SETD2: variants seen among roughly 807,000 people sequenced by gnomAD.
SETD2 encodes the protein SET domain containing 2, histone lysine methyltransferase.
Under a neutral mutation model 242.1 loss-of-function variants are expected in SETD2, and 31 were observed. The observed-to-expected ratio is 0.13, with a 90% CI of 0.10 to 0.17. The LOEUF is 0.17. Ranked by LOEUF, SETD2 falls within the 10% of genes least tolerant of loss-of-function variation. The pLI is 1.00. For missense variants in SETD2, 2,481 were observed against 3,046.3 expected, an observed-to-expected ratio of 0.81 and a Z score of 4.37; for synonymous variants, 1,006 against 1,066.5, an observed-to-expected ratio of 0.94 and a Z score of 1.11.
chr3:47,081,293 G>A (rs772871090), intron 12 of SETD2, among the ~76,000 whole-genome samples: 22 of 152,114 alleles, frequency 1.4e-4, no homozygotes, highest in African/African-American at 3.9e-4. Context: ...AAAGCCAAGC[G>A]GAACACATGT....
chr3:47,025,448 C>T (rs775557295), intron 18 of SETD2, among the ~76,000 whole-genome samples: 5 of 152,192 alleles, frequency 3.3e-5, no homozygotes, highest in African/African-American at 1.2e-4. Flanking sequence ...CTGTCTGACT[C>T]CCTTGCATTA....
rs1259127496 is a variant in SETD2 at position 47,113,872 on chromosome 3, T to C, written c.4715+4A>G. On this transcript the variant is annotated splice_donor_region_variant and intron_variant, in intron 5 of 20. Coordinates refer to ENST00000409792, the MANE Select transcript of SETD2 (RefSeq NM_014159.7). Reference sequence around the variant, plus strand: ...AAGTGAAAGGTAATTAAAAAAGAACTTACGAAGGAAGGTCTTTGGCAGCTC... The same window carrying C: ...AAGTGAAAGGTAATTAAAAAAGAACCTACGAAGGAAGGTCTTTGGCAGCTC... 6.2e-7 allele frequency: 1 copy of C among 1,604,932 alleles called. No individual in the cohort carries two copies. The highest frequency in any genetic ancestry group is 8.5e-7 in the Non-Finnish European group (1 of 1,177,556).
intron 1 of SETD2, chr3:47,127,500 G>A (rs1052960760): frequency 2.4e-6 from 1 of 425,246 alleles, no homozygotes; most frequent in Non-Finnish European, 4.7e-6. Flanking sequence ...GGCTAAATTG[G>A]GAGGATCACT....
chr3:47,041,496 G>GAA, intron 17 of SETD2: 1 of 214,448 alleles, frequency 4.7e-6, no homozygotes, highest in East Asian at 1.5e-4. Flanking sequence ...ACAAAAAAAA[G>GAA]AAAAAAAAAA....
chr3:47,101,599 T>C (rs914172129), intron 7 of SETD2, 44 bp from the exon 8 acceptor site: 2 of 231,594 alleles, frequency 8.6e-6, no homozygotes, highest in Admixed American at 6.7e-5. Flanking sequence ...AACTTATTAG[T>C]GTGTGTGTGT....
chr3:47,081,269 A>G (rs2041304909), intron 12 of SETD2, among the ~76,000 whole-genome samples: 2 of 151,998 alleles, frequency 1.3e-5, no homozygotes, highest in African/African-American at 2.4e-5. Context: ...TCTTCACTCC[A>G]TCCAGTGTGT....
rs1000133175 is a variant in SETD2, at chr3:47,064,758, A to T, written c.6109+2312T>A. ...AATGGAAACCAGGCTTATATATATTATATATATGTAAATATATATAAAATA... is the reference window on the plus strand; with the variant it reads ...AATGGAAACCAGGCTTATATATATTTTATATATGTAAATATATATAAAATA... On this transcript the variant is annotated intron_variant, in intron 13 of 20. Transcript: ENST00000409792. 5.0e-5 allele frequency: 8 copies of T among 159,482 alleles called. 1 individual carries two copies. The highest frequency in any genetic ancestry group is 4.7e-4 in the Admixed American group (7 of 14,838). The allele number at this position is 159,482 out of a possible 1,614,324, so 9.9% of individuals were successfully genotyped here. A position where few individuals can be genotyped will look rare whatever the true frequency, so the allele number is the denominator to read the frequency against.
chr3:47,043,681 C>A (rs1192364165), intron 16 of SETD2, among the ~76,000 whole-genome samples: 1 of 152,138 alleles, frequency 6.6e-6, no homozygotes, highest in Admixed American at 6.5e-5. Flanking sequence ...AAAATGTGTT[C>A]ACTTTTAAGC....
chr3:47,154,610 T>C (rs2044082775), intron 1 of SETD2, among the ~76,000 whole-genome samples: 1 of 152,112 alleles, frequency 6.6e-6, no homozygotes. Flanking sequence ...AGAGAAGAGA[T>C]ACTCAGGGAG....
chr3:47,116,824 A>G (rs561075492), intron 3 of SETD2, 70 bp from the exon 4 acceptor site: 309 of 1,102,026 alleles, frequency 2.8e-4, no homozygotes, highest in Non-Finnish European at 4.0e-4. Flanking sequence ...ATATAATCAA[A>G]TATGTGCCAA....
At chr3:47,039,225 T>A (rs1024593002) in intron 17 of SETD2, among the ~76,000 whole-genome samples, 7 of 151,996 alleles carry the variant, frequency 4.6e-5, no homozygotes, top group South Asian at 2.1e-4. Flanking sequence ...TTTTTTTTTT[T>A]TTATTCTGAT....
Position 47,062,564 on chromosome 3 carries a change from C to G in SETD2, c.6110-218G>C, listed in dbSNP as rs1370485309. On this transcript the variant is annotated intron_variant, in intron 13 of 20. Coordinates refer to ENST00000409792, the MANE Select transcript of SETD2 (RefSeq NM_014159.7). ...ACTAAAAGTCTCTTTCACAAATGCC[C>G]TTTTCTCCTCTTTCCCTCCAAAGAC... Among the ~76,000 whole-genome samples the G allele has an allele frequency of 9.2e-5, 14 of 151,996 alleles. No individual in the cohort carries two copies. In the East Asian group the frequency reaches 2.7e-3, roughly 29 times the overall value.
chr3:47,068,860 G>A (rs750029368), intron 12 of SETD2, among the ~76,000 whole-genome samples: 7 of 151,854 alleles, frequency 4.6e-5, no homozygotes, highest in Non-Finnish European at 7.4e-5. Context: ...GTGCAGTGGT[G>A]CGATCTCAGC....
At chr3:47,100,066 C>T (rs1290336690) in intron 8 of SETD2, among the ~76,000 whole-genome samples, 4 of 150,826 alleles carry the variant, frequency 2.7e-5, no homozygotes, top group Admixed American at 6.6e-5. Context: ...CCTCAGCCTC[C>T]GGAGTAGCTA....
intron 14 of SETD2, among the ~76,000 whole-genome samples, chr3:47,060,736 A>G (rs1484779255): frequency 6.6e-6 from 1 of 152,234 alleles, no homozygotes; most frequent in Admixed American, 6.5e-5. Context: ...CATACCATAT[A>G]TGACACATTC....
intron 18 of SETD2, among the ~76,000 whole-genome samples, chr3:47,031,557 G>A (rs1432287230): frequency 8.5e-5 from 13 of 152,172 alleles, no homozygotes; most frequent in African/African-American, 3.1e-4. Context: ...TAGGCTAAAG[G>A]AAAATGATTC....
chr3:47,153,391 AC>A (rs2044044653), intron 1 of SETD2, among the ~76,000 whole-genome samples: 1 of 152,162 alleles, frequency 6.6e-6, no homozygotes, highest in African/African-American at 2.4e-5. Flanking sequence ...AATGACAACA[AC>A]AAACCTATCA....
Position 47,124,251 on chromosome 3 carries a change from C to G in SETD2, c.385G>C (p.Glu129Gln), listed in dbSNP as rs2106723793. The G allele has an allele frequency of 6.4e-7, 1 of 1,551,722 alleles. No homozygotes were observed. The highest frequency in any genetic ancestry group is 2.4e-5 in the East Asian group (1 of 40,920). Residue 129 changes from glutamate to glutamine, a missense_variant, in exon 3 of 21, where the codon GAA becomes CAA. Physicochemically the swap from Glu to Gln is conservative, Grantham distance 29. Transcript: ENST00000409792. The part of the protein sequence containing the change: ...EIGDTLSTAE[E>Q]SSPPKSRVEL... ...ACCCTTGACTTTGGTGGGGAAGATT[C>G]TTCTGCAGTAGATAAGGTATCACCA...
At chr3:47,041,825 TGTCA>T (rs1259307763) in intron 17 of SETD2, among the ~76,000 whole-genome samples, 1 of 152,216 alleles carries the variant, frequency 6.6e-6, no homozygotes, top group African/African-American at 2.4e-5. Context: ...AAATAATGTG[TGTCA>T]AGGATAAACA....
Sources: allele counts gnomAD v4.1 joint callset (sites outside exome capture counted in the v4.1 genomes callset), GRCh38; gene constraint gnomAD v4.1.1; transcripts MANE v1.5; gene names NCBI Gene and HGNC (gene_info 2026-07-23, HGNC 2026-07-21).